The following PDE6D variants were observed in gnomAD, a reference collection of about 807,000 sequenced individuals.
The protein encoded by PDE6D is retinal rod rhodopsin-sensitive cGMP 3',5'-cyclic phosphodiesterase subunit delta.
A neutral mutation model predicts 21.9 loss-of-function variants in PDE6D; 10 were observed. That is an observed-to-expected ratio of 0.46 (90% CI 0.28 to 0.78). The LOEUF (loss-of-function observed/expected upper bound fraction) is 0.78. PDE6D is among the 30% of genes least tolerant of loss of function. PDE6D has a pLI of 0.12. For missense variants in PDE6D, 139 were observed against 184.8 expected (o/e 0.75, Z 1.44); for synonymous variants, 59 against 63.5 (o/e 0.93, Z 0.34).
intron 1 of PDE6D, among the ~76,000 whole-genome samples, chr2:231,768,289 C>G (rs1166688007): frequency 6.6e-6 from 1 of 152,182 alleles, no homozygotes; most frequent in Non-Finnish European, 1.5e-5. Flanking sequence ...CTGACTCCAA[C>G]TCACTCTTGA....
intron 2 of PDE6D, among the ~76,000 whole-genome samples, chr2:231,738,869 T>C (rs2048724614): frequency 8.0e-6 from 1 of 124,576 alleles, no homozygotes; most frequent in South Asian, 2.5e-4. Flanking sequence ...TGAGCCAAGA[T>C]CACACCACTG....
chr2:231,774,590 T>C (rs1197972889), intron 1 of PDE6D, among the ~76,000 whole-genome samples: 1 of 143,754 alleles, frequency 7.0e-6, no homozygotes, highest in Non-Finnish European at 1.6e-5. Flanking sequence ...CACTGAATAT[T>C]ATCTTTTTTT....
intron 1 of PDE6D, among the ~76,000 whole-genome samples, chr2:231,760,491 C>T (rs751915218): frequency 2.0e-5 from 3 of 152,134 alleles, no homozygotes; most frequent in Non-Finnish European, 4.4e-5. Flanking sequence ...CATTTCATTG[C>T]TAAAAGGTCA....
At chr2:231,748,966 C>G (rs925957717) in intron 1 of PDE6D, among the ~76,000 whole-genome samples, 1 of 152,198 alleles carries the variant, frequency 6.6e-6, no homozygotes, top group Non-Finnish European at 1.5e-5. Context: ...GCTACAGAGG[C>G]AGGGCCCTCA....
At chr2:231,749,028 C>A (rs570982847) in intron 1 of PDE6D, among the ~76,000 whole-genome samples, 121 of 152,278 alleles carry the variant, frequency 7.9e-4, no homozygotes, top group African/African-American at 2.7e-3. Flanking sequence ...GTTGGAGCCC[C>A]CACACAGAGT....
chr2:231,778,442 A>G (rs1257323860), intron 1 of PDE6D, among the ~76,000 whole-genome samples: 1 of 152,242 alleles, frequency 6.6e-6, no homozygotes, highest in Non-Finnish European at 1.5e-5. Context: ...AATGGGCAAA[A>G]ACAAAATTAA....
At chr2:231,734,411 C>T (rs1286118354) in intron 4 of PDE6D, among the ~76,000 whole-genome samples, 1 of 149,234 alleles carries the variant, frequency 6.7e-6, no homozygotes, top group Non-Finnish European at 1.5e-5. Flanking sequence ...AACAAAAAAT[C>T]ACGCCTCGTG....
intron 1 of PDE6D, among the ~76,000 whole-genome samples, chr2:231,771,124 G>A (rs2049012642): frequency 6.6e-6 from 1 of 150,872 alleles, no homozygotes; most frequent in Admixed American, 6.6e-5. Flanking sequence ...GGGTTCAAGC[G>A]ATTCTTGTGC....
At chr2:231,774,452 C>T (rs2049038895) in intron 1 of PDE6D, among the ~76,000 whole-genome samples, 1 of 152,186 alleles carries the variant, frequency 6.6e-6, no homozygotes, top group African/African-American at 2.4e-5. Context: ...CCCATACTCT[C>T]AACCACTGTG....
At chr2:231,770,055 G>T (rs1326798119) in intron 1 of PDE6D, among the ~76,000 whole-genome samples, 1 of 152,172 alleles carries the variant, frequency 6.6e-6, no homozygotes, top group Non-Finnish European at 1.5e-5. Context: ...TAGTATCCAA[G>T]ACTTTTTCAC....
intron 4 of PDE6D, among the ~76,000 whole-genome samples, chr2:231,735,960 G>A (rs1483121066): frequency 1.3e-5 from 2 of 151,750 alleles, no homozygotes; most frequent in South Asian, 2.1e-4. Context: ...CCTGGGAGGC[G>A]GAGCTGGCAG....
intron 1 of PDE6D, among the ~76,000 whole-genome samples, chr2:231,780,817 G>A (rs1354848800): frequency 6.6e-6 from 1 of 152,040 alleles, no homozygotes; most frequent in African/African-American, 2.4e-5. Flanking sequence ...CGTCCCCCAG[G>A]CTCCCCCGTC....
chr2:231,760,465 T>C (rs1474252773), intron 1 of PDE6D, among the ~76,000 whole-genome samples: 1 of 152,190 alleles, frequency 6.6e-6, no homozygotes, highest in Non-Finnish European at 1.5e-5. Context: ...GGTTTGAGGA[T>C]GGTAAGTTTT....
At chr2:231,745,955 G>A (rs968682515) in intron 1 of PDE6D, among the ~76,000 whole-genome samples, 1 of 152,038 alleles carries the variant, frequency 6.6e-6, no homozygotes, top group Non-Finnish European at 1.5e-5. Context: ...GGGGTACTAG[G>A]TAAATTTCCT....
At chr2:231,766,987 C>A (rs1433988894) in intron 1 of PDE6D, among the ~76,000 whole-genome samples, 12 of 127,430 alleles carry the variant, frequency 9.4e-5, no homozygotes, top group Admixed American at 3.5e-4. Context: ...GAGCGAGACT[C>A]CGTCTCAAAA....
Position 231,739,148 on chromosome 2 carries a change from G to A in PDE6D, c.91C>T (p.Leu31Phe). The change falls in exon 2 of 5, where the codon CTC (leucine) becomes TTC (phenylalanine). Residue 31 changes from leucine (L) to phenylalanine (F), a missense_variant. Physicochemically the swap from Leu to Phe is conservative, Grantham distance 22. Transcript: ENST00000287600. The surrounding 1 kb of genome is among the most constrained non-coding windows in gnomAD (Gnocchi z 4.2). ...NLRDAETGKI[L>F]WQGTEDLSVP... ...GACAGGTCTTCTGTTCCTTGCCAGA[G>A]TATCTTCCCTGTCTCAGCATCCCGA... The A allele has an allele frequency of 1.2e-6, 2 of 1,613,200 alleles. No individual in the cohort carries two copies. The highest frequency in any genetic ancestry group is 1.7e-6 in the Non-Finnish European group (2 of 1,179,244).
intron 1 of PDE6D, among the ~76,000 whole-genome samples, chr2:231,776,214 G>A (rs1473324095): frequency 6.6e-6 from 1 of 151,860 alleles, no homozygotes; most frequent in Non-Finnish European, 1.5e-5. Flanking sequence ...CCAGCTACTT[G>A]GGAGGCTGAG....
intron 3 of PDE6D, 98 bp downstream of exon 3, chr2:231,737,915 G>A: frequency 8.6e-7 from 1 of 1,164,406 alleles, no homozygotes; most frequent in Non-Finnish European, 1.2e-6. Context: ...AGTTGTAAAA[G>A]GAATGTTATC....
intron 1 of PDE6D, among the ~76,000 whole-genome samples, chr2:231,760,714 G>T (rs2106278508): frequency 6.6e-6 from 1 of 152,306 alleles, no homozygotes; most frequent in South Asian, 2.1e-4. Context: ...ATTTCCAAAT[G>T]CTACAGGATA....
Sources: gnomAD v4.1 joint callset for allele counts (sites outside exome capture counted in the v4.1 genomes callset) on GRCh38, gnomAD v4.1.1 for gene constraint, Gnocchi (gnomAD v3.1) non-coding constraint, MANE v1.5 for transcripts, NCBI Gene and HGNC (gene_info 2026-07-23, HGNC 2026-07-21) for gene names.